Variants in EPHA6 observed in about 807,000 individuals in gnomAD.
The protein encoded by EPHA6 is EPH receptor A6.
A neutral mutation model predicts 112.0 loss-of-function variants in EPHA6; 50 were observed. The ratio of observed to expected loss-of-function variants is 0.45; its 90% CI spans 0.36 to 0.56. The LOEUF is 0.56. Among genes scored for constraint, EPHA6 ranks in the 20% least tolerant of loss-of-function variants. The pLI is 0.00. For synonymous variants in EPHA6, 529 were observed against 490.7 expected (o/e 1.08, Z -1.03); for missense variants, 1,280 against 1,417.4 (o/e 0.90, Z 1.56).
intron 5 of EPHA6, among the ~76,000 whole-genome samples, chr3:97,404,432 T>G (rs1225905599): frequency 6.6e-6 from 1 of 152,158 alleles, no homozygotes; most frequent in Non-Finnish European, 1.5e-5. Flanking sequence ...AACTGCTGTT[T>G]TTTTAGAAAT....
chr3:97,679,695 GGC>G (rs1386068418), intron 14 of EPHA6, among the ~76,000 whole-genome samples: 3 of 152,002 alleles, frequency 2.0e-5, no homozygotes, highest in Admixed American at 2.0e-4. Flanking sequence ...GGAAACCTGT[GGC>G]ATGTACATAG....
chr3:97,425,206 C>T (rs1051765014), intron 6 of EPHA6, among the ~76,000 whole-genome samples: 2 of 152,204 alleles, frequency 1.3e-5, no homozygotes, highest in Non-Finnish European at 2.9e-5. Flanking sequence ...CACAGCTCCA[C>T]TAGGCAGTAC....
chr3:96,870,647 T>C (rs1394023669), intron 2 of EPHA6, among the ~76,000 whole-genome samples: 4 of 152,106 alleles, frequency 2.6e-5, no homozygotes, highest in South Asian at 2.1e-4. Context: ...AAAATAAACA[T>C]GTCATTCATG....
chr3:96,886,573 A>C (rs911199533), intron 2 of EPHA6, among the ~76,000 whole-genome samples: 2 of 152,162 alleles, frequency 1.3e-5, no homozygotes, highest in East Asian at 3.9e-4. Context: ...GAGTTCTTAC[A>C]TGCTAGGTGA....
At chr3:97,638,230 G>A (rs747323194) in intron 14 of EPHA6, 148 bp downstream of exon 14, 1 of 635,046 alleles carries the variant, frequency 1.6e-6, no homozygotes, top group African/African-American at 1.8e-5. Flanking sequence ...AGAAGTATTT[G>A]CTTTGAGTGT....
intron 4 of EPHA6, among the ~76,000 whole-genome samples, chr3:97,235,164 T>A (rs750283134): frequency 6.6e-6 from 1 of 152,166 alleles, no homozygotes; most frequent in Non-Finnish European, 1.5e-5. Flanking sequence ...TTTTATAGAT[T>A]ATATCATTCT....
chr3:97,283,776 A>C (rs958927114), intron 5 of EPHA6, among the ~76,000 whole-genome samples: 1 of 152,160 alleles, frequency 6.6e-6, no homozygotes. Context: ...AATAAATAAT[A>C]ATAATGAAAC....
chr3:97,094,723 C>T (rs552941723), intron 3 of EPHA6, among the ~76,000 whole-genome samples: 5 of 152,078 alleles, frequency 3.3e-5, no homozygotes, highest in Admixed American at 1.3e-4. Context: ...GCTACATAAA[C>T]TATTATTTTA....
intron 5 of EPHA6, among the ~76,000 whole-genome samples, chr3:97,282,330 G>A (rs539799453): frequency 6.6e-6 from 1 of 152,188 alleles, no homozygotes; most frequent in African/African-American, 2.4e-5. Flanking sequence ...ATTAAAAGTC[G>A]AAACAACAGA....
intron 5 of EPHA6, among the ~76,000 whole-genome samples, chr3:97,352,010 C>T (rs1176829060): frequency 6.6e-6 from 1 of 152,042 alleles, no homozygotes; most frequent in Non-Finnish European, 1.5e-5. Flanking sequence ...GAAGAAACCA[C>T]ATAAAGGAAT....
At chr3:96,984,283 C>T (rs1336139493) in intron 2 of EPHA6, among the ~76,000 whole-genome samples, 1 of 152,180 alleles carries the variant, frequency 6.6e-6, no homozygotes, top group Non-Finnish European at 1.5e-5. Flanking sequence ...TCAGGACCCT[C>T]AGCTGCAGGT....
chr3:97,748,785 C>A lies in EPHA6; in HGVS notation c.*84C>A. On this transcript the variant is annotated 3_prime_UTR_variant, in exon 18 of 18. Coordinates refer to ENST00000389672, the MANE Select transcript of EPHA6 (RefSeq NM_001080448.3). ...TCTACTACTCTCTCTTCTGATTCTC[C>A]AAACATCACTTCACAAACTGCAGTC... The A allele has an allele frequency of 1.3e-6, 1 of 757,144 alleles. No individual in the cohort carries two copies. Among genetic ancestry groups the A allele is most frequent in the Non-Finnish European group, 2.3e-6 (1 of 427,600 alleles). The allele number at this position is 757,144 out of a possible 1,614,324, so 46.9% of individuals were successfully genotyped here. A position where few individuals can be genotyped will look rare whatever the true frequency, so the allele number is the denominator to read the frequency against.
chr3:97,079,859 C>CA (rs1254807074), intron 3 of EPHA6, among the ~76,000 whole-genome samples: 2 of 150,616 alleles, frequency 1.3e-5, no homozygotes, highest in Admixed American at 6.6e-5. Flanking sequence ...TCTCCACCAG[C>CA]AAAAAAATTA....
At chr3:97,684,128 T>C (rs1304332713) in intron 14 of EPHA6, among the ~76,000 whole-genome samples, 1 of 152,204 alleles carries the variant, frequency 6.6e-6, no homozygotes, top group Non-Finnish European at 1.5e-5. Context: ...TGAAAATATA[T>C]GTTCACTGAG....
intron 6 of EPHA6, among the ~76,000 whole-genome samples, chr3:97,419,195 C>G (rs1230197727): frequency 6.6e-6 from 1 of 151,914 alleles, no homozygotes; most frequent in Admixed American, 6.6e-5. Flanking sequence ...CCCAGCTACT[C>G]AGGAGGCTGA....
intron 3 of EPHA6, among the ~76,000 whole-genome samples, chr3:97,004,051 G>A (rs2043782991): frequency 6.6e-6 from 1 of 152,012 alleles, no homozygotes; most frequent in Non-Finnish European, 1.5e-5. Context: ...ACATTGATGG[G>A]CATTTGGTTT....
chr3:97,312,617 A>C (rs1399124955), intron 5 of EPHA6, among the ~76,000 whole-genome samples: 1 of 151,598 alleles, frequency 6.6e-6, no homozygotes, highest in Non-Finnish European at 1.5e-5. Context: ...ATCAATCTAT[A>C]TACATATTTT....
At chr3:97,732,438 A>G (rs2129259) in intron 15 of EPHA6, among the ~76,000 whole-genome samples, 149,284 of 152,080 alleles carry the variant, frequency 0.98, 73,291 homozygotes, top group East Asian at 0.99. Flanking sequence ...TAGTTAATAC[A>G]TTTCTTAAAG....
At chr3:97,592,976 T>G (rs1576000563) in intron 12 of EPHA6, among the ~76,000 whole-genome samples, 3 of 152,060 alleles carry the variant, frequency 2.0e-5, no homozygotes, top group Non-Finnish European at 2.9e-5. Context: ...CCTGAGAAAA[T>G]TTTTACTTAA....
Sources: allele counts gnomAD v4.1 joint callset (sites outside exome capture counted in the v4.1 genomes callset), GRCh38; gene constraint gnomAD v4.1.1; transcripts MANE v1.5; gene names NCBI Gene and HGNC (gene_info 2026-07-23, HGNC 2026-07-21).